Variants in PLPP3 observed in about 807,000 individuals in gnomAD.
PLPP3 encodes the protein PAP2 beta.
Under a neutral mutation model 29.6 loss-of-function variants are expected in PLPP3, and 6 were observed. The observed-to-expected ratio is 0.20, with a 90% CI of 0.11 to 0.40. The LOEUF (loss-of-function observed/expected upper bound fraction) is 0.40. Among genes scored for constraint, PLPP3 ranks in the 10% least tolerant of loss-of-function variants. The pLI is 1.00. For synonymous variants in PLPP3, 152 were observed against 159.7 expected (o/e 0.95, Z 0.36); for missense variants, 308 against 407.7 (o/e 0.76, Z 2.11).
At chr1:56,575,759 AGG>A (rs1375840261) in intron 1 of PLPP3, among the ~76,000 whole-genome samples, 1 of 152,188 alleles carries the variant, frequency 6.6e-6, no homozygotes, top group Non-Finnish European at 1.5e-5. Flanking sequence ...ATTTATTCAT[AGG>A]GGTTGCATTA....
chr1:56,572,816 T>C (rs1481735433), intron 1 of PLPP3, among the ~76,000 whole-genome samples: 1 of 152,184 alleles, frequency 6.6e-6, no homozygotes, highest in African/African-American at 2.4e-5. Flanking sequence ...TAACGTGATT[T>C]TGAACTTTTC....
At chr1:56,542,458 CTT>C (rs1323975706) in intron 1 of PLPP3, among the ~76,000 whole-genome samples, 1 of 152,120 alleles carries the variant, frequency 6.6e-6, no homozygotes, top group African/African-American at 2.4e-5. Flanking sequence ...AAGAAGGAAT[CTT>C]TGCATTTTTT....
At chr1:56,530,107 ACT>A (rs1436077595) in intron 2 of PLPP3, among the ~76,000 whole-genome samples, 1 of 140,850 alleles carries the variant, frequency 7.1e-6, no homozygotes, top group East Asian at 2.1e-4. Context: ...GCAACCTCTT[ACT>A]CTTTTTTTTT....
intron 1 of PLPP3, among the ~76,000 whole-genome samples, chr1:56,566,760 C>A (rs1646164438): frequency 2.0e-5 from 3 of 152,220 alleles, no homozygotes; most frequent in African/African-American, 7.2e-5. Context: ...TTAATTTTCA[C>A]ATACTTACAA....
intron 2 of PLPP3, among the ~76,000 whole-genome samples, chr1:56,535,686 T>C (rs1026724284): frequency 6.6e-6 from 1 of 152,182 alleles, no homozygotes; most frequent in Non-Finnish European, 1.5e-5. Context: ...GAGCTGCTGA[T>C]CTGAAGCTCT....
chr1:56,544,738 A>C (rs1271924887), intron 1 of PLPP3, among the ~76,000 whole-genome samples: 2 of 152,210 alleles, frequency 1.3e-5, no homozygotes, highest in East Asian at 3.8e-4. Flanking sequence ...AGGATACATG[A>C]ACTATGTCTA....
At chr1:56,564,460 G>C (rs1646148894) in intron 1 of PLPP3, among the ~76,000 whole-genome samples, 1 of 152,194 alleles carries the variant, frequency 6.6e-6, no homozygotes, top group Admixed American at 6.5e-5. Flanking sequence ...CAAACTCTCA[G>C]ATGCAAACGT....
At chr1:56,500,359 C>T (rs772363781) in intron 5 of PLPP3, among the ~76,000 whole-genome samples, 25 of 152,134 alleles carry the variant, frequency 1.6e-4, no homozygotes, top group Non-Finnish European at 5.9e-5. Context: ...GCATTTAACC[C>T]AGACTGAAGG....
intron 1 of PLPP3, among the ~76,000 whole-genome samples, chr1:56,544,679 C>T (rs1480722793): frequency 6.6e-6 from 1 of 152,236 alleles, no homozygotes; most frequent in Non-Finnish European, 1.5e-5. Context: ...ATAGAACTGT[C>T]TGACTCTAGA....
At chr1:56,538,963 A>AAAAAAAAAAAAAAAAAAC (rs1235669798) in intron 1 of PLPP3, 56 of 150,986 alleles carry the variant, frequency 3.7e-4, no homozygotes, top group African/African-American at 1.3e-3. Context: ...GGGCTGCAAA[A>AAAAAAAAAAAAAAAAAAC]AAAAAAAACA....
chr1:56,522,771 C>T (rs919862287), intron 4 of PLPP3, among the ~76,000 whole-genome samples: 1 of 152,174 alleles, frequency 6.6e-6, no homozygotes, highest in Non-Finnish European at 1.5e-5. Flanking sequence ...TTTTTTCAAA[C>T]AGCTTGTGCT....
intron 2 of PLPP3, among the ~76,000 whole-genome samples, chr1:56,528,500 C>T (rs1645866985): frequency 6.6e-6 from 1 of 152,078 alleles, no homozygotes; most frequent in African/African-American, 2.4e-5. Context: ...TGTCTATTAC[C>T]TTAGGCATGT....
chr1:56,518,811 A>G (rs1645800009), intron 4 of PLPP3, among the ~76,000 whole-genome samples: 1 of 151,094 alleles, frequency 6.6e-6, no homozygotes, highest in Admixed American at 6.6e-5. Context: ...TGGCCTCCCA[A>G]AGTGCTGAGA....
rs574411019 is a variant in PLPP3, at chr1:56,558,833, T to C, written c.139+20045A>G. Among the ~76,000 whole-genome samples, 246 of 152,314 alleles carry C rather than the reference T, an allele frequency of 1.6e-3. 1 individual carries two copies. The highest frequency in any genetic ancestry group is 5.7e-3 in the African/African-American group (237 of 41,572). On this transcript the variant is annotated intron_variant, in intron 1 of 5. Transcript: ENST00000371250. ...CAAAACTTTGATTCTGGGTTAAAAT[T>C]GTGGTAACTCGTGGTGGTGAATCTC...
intron 5 of PLPP3, among the ~76,000 whole-genome samples, chr1:56,498,320 C>A (rs1447504401): frequency 6.6e-6 from 1 of 152,144 alleles, no homozygotes; most frequent in Non-Finnish European, 1.5e-5. Flanking sequence ...GGCTCCCCTG[C>A]CAGAAAATTC....
intron 5 of PLPP3, among the ~76,000 whole-genome samples, chr1:56,497,682 C>CAGATGG (rs1557495063): frequency 1.3e-5 from 2 of 152,314 alleles, no homozygotes; most frequent in East Asian, 3.9e-4. Context: ...GTGCTCACTA[C>CAGATGG]TAATGACAGC....
chr1:56,528,633 G>A (rs1033088202), intron 2 of PLPP3, among the ~76,000 whole-genome samples: 2 of 151,920 alleles, frequency 1.3e-5, no homozygotes, highest in African/African-American at 4.8e-5. Flanking sequence ...TAGCAGGAGA[G>A]CCCTCCAAAA....
chr1:56,537,890 G>A (rs2100267014), intron 1 of PLPP3, among the ~76,000 whole-genome samples: 1 of 152,246 alleles, frequency 6.6e-6, no homozygotes, highest in African/African-American at 2.4e-5. Context: ...GGTTATCAGT[G>A]GCCAGCTCAG....
chr1:56,555,472 C>T (rs969805211), intron 1 of PLPP3, among the ~76,000 whole-genome samples: 163 of 62,020 alleles, frequency 2.6e-3, no homozygotes, highest in African/African-American at 9.2e-3. Flanking sequence ...AAAAAACAAA[C>T]AAACAAACAA....
Sources: allele counts gnomAD v4.1 joint callset (sites outside exome capture counted in the v4.1 genomes callset), GRCh38; gene constraint gnomAD v4.1.1; transcripts MANE v1.5; gene names NCBI Gene and HGNC (gene_info 2026-07-23, HGNC 2026-07-21).